CSMD1: variants seen among roughly 807,000 people sequenced by gnomAD.
CSMD1 encodes the protein CUB and Sushi multiple domains 1, also known as CUB and sushi domain-containing protein 1.
In CSMD1, 213 loss-of-function variants were observed where a neutral mutation model predicts 417.5. That is an observed-to-expected ratio of 0.51 (90% CI 0.46 to 0.57). The LOEUF is 0.57. Among genes scored for constraint, CSMD1 ranks in the 20% least tolerant of loss-of-function variants. The probability of loss-of-function intolerance (pLI) is 0.00; values close to 1 mark genes in which losing one functional copy is unlikely to be tolerated. For missense variants in CSMD1, 6,923 were observed against 4,529.7 expected (o/e 1.53, Z -15.17); for synonymous variants, 2,862 against 1,736.8 (o/e 1.65, Z -16.11).
At chr8:3,345,500 C>G (rs1189105636) in intron 22 of CSMD1, among the ~76,000 whole-genome samples, 1 of 151,904 alleles carries the variant, frequency 6.6e-6, no homozygotes, top group East Asian at 1.9e-4. Flanking sequence ...AAATAAAAAC[C>G]CAGATAGGAG....
intron 1 of CSMD1, among the ~76,000 whole-genome samples, chr8:4,794,357 A>G (rs987310573): frequency 2.0e-5 from 3 of 152,192 alleles, no homozygotes; most frequent in African/African-American, 4.8e-5. Flanking sequence ...TTTCTCATAT[A>G]GGAGGGATTT....
At chr8:3,258,182 T>G (rs1476898646) in intron 26 of CSMD1, among the ~76,000 whole-genome samples, 3 of 151,656 alleles carry the variant, frequency 2.0e-5, no homozygotes, top group Non-Finnish European at 4.4e-5. Context: ...AGGGAGAAAA[T>G]TTTTCCAAAA....
At chr8:3,696,398 C>T (rs572670674) in intron 7 of CSMD1, among the ~76,000 whole-genome samples, 1 of 152,302 alleles carries the variant, frequency 6.6e-6, no homozygotes, top group Non-Finnish European at 1.5e-5. Context: ...TATCTTCAAA[C>T]GTGACTTAGT....
chr8:2,964,482 T>A (rs1319632072), intron 59 of CSMD1, among the ~76,000 whole-genome samples: 1 of 152,122 alleles, frequency 6.6e-6, no homozygotes, highest in African/African-American at 2.4e-5. Context: ...AGGAGACAAG[T>A]TCAAGGAGGG....
intron 5 of CSMD1, among the ~76,000 whole-genome samples, chr8:3,844,156 T>G (rs1326147543): frequency 6.6e-6 from 1 of 152,202 alleles, no homozygotes; most frequent in Non-Finnish European, 1.5e-5. Context: ...AAAGACAATA[T>G]TGGCATTAAC....
chr8:3,861,684 G>A (rs930595594), intron 5 of CSMD1, among the ~76,000 whole-genome samples: 4 of 152,134 alleles, frequency 2.6e-5, no homozygotes, highest in African/African-American at 9.7e-5. Flanking sequence ...CAGAGAATAG[G>A]GTTTTTTGTT....
chr8:4,897,282 T>C (rs1162280282), intron 1 of CSMD1, among the ~76,000 whole-genome samples: 1 of 152,040 alleles, frequency 6.6e-6, no homozygotes, highest in Non-Finnish European at 1.5e-5. Context: ...AAGTGTTCAT[T>C]TAGGTAAGAA....
intron 18 of CSMD1, among the ~76,000 whole-genome samples, chr8:3,385,268 T>C (rs1020765852): frequency 4.7e-5 from 7 of 149,782 alleles, no homozygotes; most frequent in African/African-American, 1.7e-4. Flanking sequence ...TGTGTATGTA[T>C]GAATATATAT....
At chr8:3,618,929 C>G (rs1298361466) in intron 7 of CSMD1, among the ~76,000 whole-genome samples, 1 of 152,068 alleles carries the variant, frequency 6.6e-6, no homozygotes, top group Non-Finnish European at 1.5e-5. Flanking sequence ...TGTGGGCTGC[C>G]TGAGAGACTG....
At chr8:4,684,198 A>G (rs1196417811) in intron 1 of CSMD1, among the ~76,000 whole-genome samples, 1 of 152,242 alleles carries the variant, frequency 6.6e-6, no homozygotes, top group Non-Finnish European at 1.5e-5. Context: ...TTTATGAATA[A>G]GGACACGAGA....
chr8:4,404,856 C>G (rs903081918), intron 3 of CSMD1, among the ~76,000 whole-genome samples: 1 of 152,156 alleles, frequency 6.6e-6, no homozygotes, highest in Non-Finnish European at 1.5e-5. Flanking sequence ...TTACACTCTA[C>G]CAGCCACACT....
In CSMD1 at chr8:3,032,808, C is replaced by T. The variant is rs150900709; in HGVS notation, c.7661-3295G>A. Among the ~76,000 whole-genome samples, 78 of 152,058 alleles carry T rather than the reference C, an allele frequency of 5.1e-4. 1 individual carries two copies. Among genetic ancestry groups the T allele is most frequent in the African/African-American group, 1.6e-3 (68 of 41,524 alleles). ...TTCAGAGTCAAATGCTTAGTTTTGG[C>T]GCAAAATTTCACTTGCACACCCTTA... On this transcript the variant is annotated intron_variant, in intron 50 of 69. Transcript: ENST00000635120.
At chr8:4,723,194 G>C (rs1809179079) in intron 1 of CSMD1, among the ~76,000 whole-genome samples, 1 of 152,108 alleles carries the variant, frequency 6.6e-6, no homozygotes, top group African/African-American at 2.4e-5. Context: ...GAACCCGCCA[G>C]GAAGTCATAG....
intron 36 of CSMD1, among the ~76,000 whole-genome samples, chr8:3,181,562 T>A (rs1221507034): frequency 6.6e-6 from 1 of 152,162 alleles, no homozygotes; most frequent in African/African-American, 2.4e-5. Context: ...GAAAGAAAAG[T>A]TCAACAGCCA....
Position 3,396,123 on chromosome 8 carries a change from A to T in CSMD1, c.2593+71T>A, listed in dbSNP as rs1243864403. On this transcript the variant is annotated intron_variant, in intron 17 of 69. Transcript: ENST00000635120. ...TAGCACAGTCATCTGCAGGCTGGAAATAAGAACCCAGATCTTTAGTTCTCC... is the reference window on the plus strand; with the variant it reads ...TAGCACAGTCATCTGCAGGCTGGAATTAAGAACCCAGATCTTTAGTTCTCC... 7 of 1,357,026 alleles carry T rather than the reference A, an allele frequency of 5.2e-6. No individual in the cohort carries two copies. The African/African-American group carries it at 8.7e-5, about 17-fold the overall frequency. 84.1% of individuals were successfully genotyped at this position (1,357,026 alleles called of 1,614,324 possible). A position where few individuals can be genotyped will look rare whatever the true frequency, so the allele number is the denominator to read the frequency against.
intron 3 of CSMD1, among the ~76,000 whole-genome samples, chr8:4,213,524 T>A (rs916638002): frequency 6.6e-6 from 1 of 152,222 alleles, no homozygotes; most frequent in African/African-American, 2.4e-5. Flanking sequence ...TGCGTTAATG[T>A]AGAAATGACA....
At chr8:4,572,502 G>C (rs1200638911) in intron 2 of CSMD1, among the ~76,000 whole-genome samples, 3 of 152,188 alleles carry the variant, frequency 2.0e-5, no homozygotes, top group African/African-American at 4.8e-5. Context: ...AGTCTGACGG[G>C]CTTGCCTTTG....
chr8:4,614,603 C>T (rs938472931), intron 2 of CSMD1, among the ~76,000 whole-genome samples: 2 of 151,964 alleles, frequency 1.3e-5, no homozygotes, highest in South Asian at 2.1e-4. Context: ...GAGGAAAGTC[C>T]GCTGAGTATG....
Position 4,994,662 on chromosome 8 carries a change from C to G in CSMD1, c.-246G>C, listed in dbSNP as rs1044604731. 5.0e-6 allele frequency: 2 copies of G among 403,428 alleles called. No individual in the cohort carries two copies. Among genetic ancestry groups the G allele is most frequent in the Non-Finnish European group, 8.9e-6 (2 of 225,422 alleles). 25.0% of individuals were successfully genotyped at this position (403,428 alleles called of 1,614,324 possible). On this transcript the variant is annotated 5_prime_UTR_variant, in exon 1 of 70. Transcript: ENST00000635120. ...GCGCGGAGACCCGGGCTGGCGGGGC[C>G]GGGGCCGGGGACGAGCGCCGGCCGA... is the stretch of plus-strand genomic sequence containing the variant.
Sources: allele counts gnomAD v4.1 joint callset (sites outside exome capture counted in the v4.1 genomes callset), GRCh38; gene constraint gnomAD v4.1.1; transcripts MANE v1.5; gene names NCBI Gene and HGNC (gene_info 2026-07-23, HGNC 2026-07-21).